Variants in LHFPL3 observed in about 807,000 individuals in gnomAD.
LHFPL3 encodes the protein LHFPL tetraspan subfamily member 3, also known as LHFPL tetraspan subfamily member 3 protein.
In LHFPL3, 5 loss-of-function variants were observed where a neutral mutation model predicts 19.3. The ratio of observed to expected loss-of-function variants is 0.26; its 90% CI spans 0.14 to 0.54. The LOEUF (loss-of-function observed/expected upper bound fraction) is 0.54, where lower values mean the gene tolerates loss of function less well. Ranked by LOEUF, LHFPL3 falls within the 20% of genes least tolerant of loss-of-function variation. The pLI, the probability that LHFPL3 is intolerant of heterozygous loss-of-function variation, is 0.94. For missense variants in LHFPL3, 249 were observed against 307.4 expected (o/e 0.81, Z 1.42); for synonymous variants, 133 against 126.2 (o/e 1.05, Z -0.36).
At chr7:104,786,689 G>GGTGGGTGT (rs1554344745) in intron 2 of LHFPL3, 2 of 129,876 alleles carry the variant, frequency 1.5e-5, no homozygotes, top group African/African-American at 2.7e-5. Flanking sequence ...GTGTGTGTGG[G>GGTGGGTGT]GTGTGTGTGT....
chr7:104,542,270 C>A (rs1440317299), intron 1 of LHFPL3, among the ~76,000 whole-genome samples: 2 of 151,964 alleles, frequency 1.3e-5, no homozygotes, highest in Non-Finnish European at 2.9e-5. Flanking sequence ...TGTTTCCATT[C>A]CTTATTTAAC....
chr7:104,865,683 T>A (rs1477815714), intron 2 of LHFPL3, among the ~76,000 whole-genome samples: 2 of 152,192 alleles, frequency 1.3e-5, no homozygotes, highest in African/African-American at 4.8e-5. Context: ...TTCCCCAATT[T>A]AGCAAGGCAG....
chr7:104,472,973 G>T (rs1405793193), intron 1 of LHFPL3, among the ~76,000 whole-genome samples: 2 of 151,974 alleles, frequency 1.3e-5, no homozygotes, highest in Non-Finnish European at 2.9e-5. Flanking sequence ...TGGACCCTCT[G>T]GGAGACCAAT....
At chr7:104,410,505 CAT>C (rs1445938699) in intron 1 of LHFPL3, among the ~76,000 whole-genome samples, 35 of 152,108 alleles carry the variant, frequency 2.3e-4, no homozygotes, top group Non-Finnish European at 1.2e-4. Flanking sequence ...TATTGGGTAA[CAT>C]AAAATAATGA....
At chr7:104,887,508 G>C (rs1186086660) in intron 2 of LHFPL3, among the ~76,000 whole-genome samples, 1 of 152,242 alleles carries the variant, frequency 6.6e-6, no homozygotes, top group African/African-American at 2.4e-5. Context: ...ATTCTCATCA[G>C]TCATTGACTG....
intron 1 of LHFPL3, among the ~76,000 whole-genome samples, chr7:104,707,309 G>T (rs1340182161): frequency 6.6e-6 from 1 of 152,194 alleles, no homozygotes; most frequent in Admixed American, 6.5e-5. Context: ...GTCAGTCTAG[G>T]ACTGTGTCAG....
At chr7:104,578,502 T>G (rs1311998621) in intron 1 of LHFPL3, among the ~76,000 whole-genome samples, 1 of 152,202 alleles carries the variant, frequency 6.6e-6, no homozygotes. Flanking sequence ...TGAAAAAATT[T>G]TAAAGACTTG....
At chr7:104,376,351 G>C (rs1446855433) in intron 1 of LHFPL3, among the ~76,000 whole-genome samples, 1 of 152,208 alleles carries the variant, frequency 6.6e-6, no homozygotes, top group East Asian at 1.9e-4. Context: ...TTTTCAGGTA[G>C]TGATAATTTC....
chr7:104,784,625 C>G (rs377631423), intron 2 of LHFPL3, among the ~76,000 whole-genome samples: 1 of 152,188 alleles, frequency 6.6e-6, no homozygotes. Context: ...GAATTCAAAG[C>G]TAGATCTCAA....
At chr7:104,766,519 C>T (rs1287302441) in intron 2 of LHFPL3, among the ~76,000 whole-genome samples, 2 of 152,136 alleles carry the variant, frequency 1.3e-5, no homozygotes, top group African/African-American at 4.8e-5. Context: ...AATTGGCCCT[C>T]TCATTAGGAT....
At chr7:104,651,878 C>A (rs1029771056) in intron 1 of LHFPL3, among the ~76,000 whole-genome samples, 1 of 152,178 alleles carries the variant, frequency 6.6e-6, no homozygotes, top group Non-Finnish European at 1.5e-5. Context: ...TAATTTCAGG[C>A]TCACAGGCTA....
chr7:104,890,643 G>A (rs1332556370), intron 2 of LHFPL3, among the ~76,000 whole-genome samples: 4 of 152,202 alleles, frequency 2.6e-5, no homozygotes, highest in South Asian at 4.1e-4. Flanking sequence ...GAGATCAACC[G>A]CTAACAAGAA....
chr7:104,632,547 C>G (rs925271068), intron 1 of LHFPL3, among the ~76,000 whole-genome samples: 1 of 152,184 alleles, frequency 6.6e-6, no homozygotes, highest in African/African-American at 2.4e-5. Flanking sequence ...ATAAATGTTT[C>G]CTGAGAAACT....
intron 2 of LHFPL3, among the ~76,000 whole-genome samples, chr7:104,806,082 G>A (rs563784534): frequency 2.0e-5 from 3 of 152,338 alleles, no homozygotes; most frequent in South Asian, 2.1e-4. Flanking sequence ...CAGGAACTAC[G>A]ACAGTCTTTG....
chr7:104,889,313 AT>A (rs974932877), intron 2 of LHFPL3, among the ~76,000 whole-genome samples: 1 of 152,196 alleles, frequency 6.6e-6, no homozygotes, highest in Admixed American at 6.5e-5. Context: ...TTATAAGATC[AT>A]TTGTATGGTC....
intron 1 of LHFPL3, among the ~76,000 whole-genome samples, chr7:104,723,467 A>G (rs1017156150): frequency 6.6e-6 from 1 of 152,112 alleles, no homozygotes; most frequent in Non-Finnish European, 1.5e-5. Flanking sequence ...CACGCCTGTA[A>G]TCCCAGCACT....
chr7:104,622,681 A>T (rs1412516716), intron 1 of LHFPL3, among the ~76,000 whole-genome samples: 1 of 152,210 alleles, frequency 6.6e-6, no homozygotes, highest in Non-Finnish European at 1.5e-5. Context: ...CTAGACTTGA[A>T]TCATGCAATA....
At chr7:104,821,193 A>G (rs559426825) in intron 2 of LHFPL3, among the ~76,000 whole-genome samples, 77 of 152,278 alleles carry the variant, frequency 5.1e-4, no homozygotes, top group African/African-American at 1.8e-3. Context: ...AAGAAAATCT[A>G]TTTCATGGGT....
chr7:104,534,360 C>A (rs1794357050), intron 1 of LHFPL3, among the ~76,000 whole-genome samples: 1 of 152,188 alleles, frequency 6.6e-6, no homozygotes, highest in Non-Finnish European at 1.5e-5. Flanking sequence ...CTCTGATGTG[C>A]AGCCTCCACA....
Sources: gnomAD v4.1 joint callset for allele counts (sites outside exome capture counted in the v4.1 genomes callset) on GRCh38, gnomAD v4.1.1 for gene constraint, MANE v1.5 for transcripts, NCBI Gene and HGNC (gene_info 2026-07-23, HGNC 2026-07-21) for gene names.